Variants in CNTN3 observed in about 807,000 individuals in gnomAD.
The protein encoded by CNTN3 is contactin 3.
In CNTN3, 60 loss-of-function variants were observed where a neutral mutation model predicts 119.1. The observed-to-expected ratio is 0.50, with a 90% confidence interval of 0.41 to 0.62. The LOEUF is 0.62. CNTN3 is among the 20% of genes least tolerant of loss of function. The pLI is 0.00. For synonymous variants in CNTN3, 450 were observed against 438.7 expected (o/e 1.03, Z -0.32); for missense variants, 1,101 against 1,242.4 (o/e 0.89, Z 1.71).
At chr3:74,405,799 A>G (rs1027717079) in intron 5 of CNTN3, among the ~76,000 whole-genome samples, 1 of 152,074 alleles carries the variant, frequency 6.6e-6, no homozygotes, top group Non-Finnish European at 1.5e-5. Flanking sequence ...GCTAGTATCC[A>G]AGAAGACTAT....
At chr3:74,541,868 ATTGT>A (rs373962820) in intron 1 of CNTN3, among the ~76,000 whole-genome samples, 22 of 152,296 alleles carry the variant, frequency 1.4e-4, no homozygotes, top group South Asian at 1.2e-3. Flanking sequence ...ACAATGGAAA[ATTGT>A]TTGTATCTCA....
chr3:74,441,203 C>A (rs781363681), intron 4 of CNTN3, among the ~76,000 whole-genome samples: 13 of 152,156 alleles, frequency 8.5e-5, no homozygotes, highest in Non-Finnish European at 1.3e-4. Context: ...AACCCATCAA[C>A]CTAATATACA....
chr3:74,560,968 T>C (rs1353049176), intron 1 of CNTN3, among the ~76,000 whole-genome samples: 3 of 132,166 alleles, frequency 2.3e-5, no homozygotes, highest in African/African-American at 8.7e-5. Flanking sequence ...TAGGTGGGAA[T>C]TGAACAATGA....
chr3:74,376,805 G>T (rs2106801700), intron 5 of CNTN3, among the ~76,000 whole-genome samples: 1 of 151,988 alleles, frequency 6.6e-6, no homozygotes, highest in Non-Finnish European at 1.5e-5. Flanking sequence ...TTGTTATATT[G>T]GCAATAGGAA....
chr3:74,307,278 C>T (rs1371708661), intron 13 of CNTN3, among the ~76,000 whole-genome samples: 1 of 152,162 alleles, frequency 6.6e-6, no homozygotes, highest in African/African-American at 2.4e-5. Flanking sequence ...TTCATATTTA[C>T]ATCTTAATGA....
chr3:74,475,706 T>C (rs184636743), intron 4 of CNTN3, among the ~76,000 whole-genome samples: 2 of 152,296 alleles, frequency 1.3e-5, no homozygotes, highest in East Asian at 3.9e-4. Flanking sequence ...TAATATACAG[T>C]CAATTTTTCT....
At chr3:74,430,841 C>A (rs976098722) in intron 4 of CNTN3, among the ~76,000 whole-genome samples, 3 of 152,026 alleles carry the variant, frequency 2.0e-5, no homozygotes, top group Non-Finnish European at 4.4e-5. Context: ...AAGATAAAGT[C>A]CAGTTCCTCA....
At chr3:74,522,023 A>G (rs1284975971) in intron 1 of CNTN3, among the ~76,000 whole-genome samples, 1 of 151,602 alleles carries the variant, frequency 6.6e-6, no homozygotes, top group Admixed American at 6.6e-5. Context: ...AGCAGCTGCT[A>G]CTGATTGAGC....
intron 13 of CNTN3, among the ~76,000 whole-genome samples, chr3:74,318,859 GA>G (rs1391242508): frequency 1.3e-5 from 2 of 152,128 alleles, no homozygotes; most frequent in Non-Finnish European, 2.9e-5. Flanking sequence ...TGCATGCTGG[GA>G]GAACCACTAG....
intron 7 of CNTN3, 73 bp from the exon 8 acceptor site, chr3:74,369,446 G>A: frequency 8.2e-7 from 1 of 1,224,994 alleles, no homozygotes; most frequent in East Asian, 2.6e-5. Flanking sequence ...AAGCTTTTAA[G>A]ATTGAACAAG....
At chr3:74,393,993 G>A (rs1704982963) in intron 5 of CNTN3, among the ~76,000 whole-genome samples, 1 of 152,174 alleles carries the variant, frequency 6.6e-6, no homozygotes, top group Non-Finnish European at 1.5e-5. Context: ...GAGATATTAG[G>A]TAGAGGAGAT....
chr3:74,598,220 T>C (rs1301482462), intron 1 of CNTN3, among the ~76,000 whole-genome samples: 2 of 152,008 alleles, frequency 1.3e-5, no homozygotes, highest in African/African-American at 4.8e-5. Context: ...CTTCCCTCTC[T>C]TGGAATATAA....
At chr3:74,601,417 T>C (rs1704909020) in intron 1 of CNTN3, among the ~76,000 whole-genome samples, 1 of 152,166 alleles carries the variant, frequency 6.6e-6, no homozygotes, top group Admixed American at 6.5e-5. Context: ...AATTGAACGG[T>C]ACACTCTTGA....
chr3:74,430,060 C>T (rs1234214829), intron 4 of CNTN3, among the ~76,000 whole-genome samples: 1 of 152,100 alleles, frequency 6.6e-6, no homozygotes, highest in Non-Finnish European at 1.5e-5. Flanking sequence ...ATGTCAAAGC[C>T]AATATGGAAA....
At chr3:74,343,552 G>A (rs1703601074) in intron 11 of CNTN3, among the ~76,000 whole-genome samples, 1 of 152,240 alleles carries the variant, frequency 6.6e-6, no homozygotes, top group Admixed American at 6.5e-5. Flanking sequence ...CTCAAGGTAT[G>A]TAGAGGATGC....
chr3:74,342,623 T>G (rs1050524354), intron 11 of CNTN3, among the ~76,000 whole-genome samples: 1 of 152,196 alleles, frequency 6.6e-6, no homozygotes, highest in African/African-American at 2.4e-5. Context: ...GTCCACATAT[T>G]CATAAGTTAA....
intron 13 of CNTN3, among the ~76,000 whole-genome samples, chr3:74,321,134 G>C (rs1012624293): frequency 6.6e-6 from 1 of 152,088 alleles, no homozygotes; most frequent in African/African-American, 2.4e-5. Flanking sequence ...GAATACAAGA[G>C]GGAGGAGGAC....
At chr3:74,579,344 C>G (rs868571502) in intron 1 of CNTN3, among the ~76,000 whole-genome samples, 2 of 150,122 alleles carry the variant, frequency 1.3e-5, no homozygotes, top group African/African-American at 2.5e-5. Context: ...ATGAATACAA[C>G]AAGCAGATCC....
chr3:74,612,161 T>C (rs531257965), intron 1 of CNTN3, among the ~76,000 whole-genome samples: 1 of 152,288 alleles, frequency 6.6e-6, no homozygotes, highest in Admixed American at 6.5e-5. Flanking sequence ...AGCTGGAAGA[T>C]GTGTACTGAA....
Sources: gnomAD v4.1 joint callset for allele counts (sites outside exome capture counted in the v4.1 genomes callset) on GRCh38, gnomAD v4.1.1 for gene constraint, MANE v1.5 for transcripts, NCBI Gene and HGNC (gene_info 2026-07-23, HGNC 2026-07-21) for gene names.